Variants in ZNF532 observed in about 807,000 individuals in gnomAD.
ZNF532 encodes zinc finger protein 532.
ZNF532 carries 22 observed loss-of-function variants against 89.3 expected under a neutral mutation model. The observed-to-expected ratio is 0.25, with a 90% confidence interval of 0.18 to 0.35. The LOEUF (loss-of-function observed/expected upper bound fraction) is 0.35. Ranked by LOEUF, ZNF532 falls within the 10% of genes least tolerant of loss-of-function variation. The pLI is 1.00. For missense variants in ZNF532, 1,132 were observed against 1,643.4 expected (o/e 0.69, Z 5.38); for synonymous variants, 606 against 649.6 (o/e 0.93, Z 1.02).
chr18:58,955,441 G>C (rs958844263), intron 7 of ZNF532, among the ~76,000 whole-genome samples: 3 of 152,160 alleles, frequency 2.0e-5, no homozygotes, highest in South Asian at 2.1e-4. Flanking sequence ...TAAGCCAATA[G>C]AACAAAATAG....
At chr18:58,888,774 T>TA (rs2058565981) in intron 2 of ZNF532, among the ~76,000 whole-genome samples, 4 of 57,180 alleles carry the variant, frequency 7.0e-5, no homozygotes, top group Non-Finnish European at 2.6e-5. Flanking sequence ...ATATATAATT[T>TA]ATATATATAT....
At chr18:58,932,310 C>A (rs2062029569) in intron 3 of ZNF532, 1 of 152,120 alleles carries the variant, frequency 6.6e-6, no homozygotes, top group Non-Finnish European at 1.5e-5. Context: ...TTAAGTAATT[C>A]CTTGTGCATC....
intron 2 of ZNF532, among the ~76,000 whole-genome samples, chr18:58,867,619 G>GGAGCCCA (rs1247322251): frequency 6.6e-6 from 1 of 152,196 alleles, no homozygotes; most frequent in Non-Finnish European, 1.5e-5. Context: ...CTGTCACCGT[G>GGAGCCCA]GAGCCCAGAG....
intron 2 of ZNF532, among the ~76,000 whole-genome samples, chr18:58,875,256 C>T (rs2057336547): frequency 6.6e-6 from 1 of 151,798 alleles, no homozygotes; most frequent in Non-Finnish European, 1.5e-5. Flanking sequence ...AGTGATCTTT[C>T]CCACTCAGGC....
intron 5 of ZNF532, among the ~76,000 whole-genome samples, chr18:58,943,351 G>A (rs1242983239): frequency 1.3e-5 from 2 of 151,626 alleles, no homozygotes; most frequent in Non-Finnish European, 2.9e-5. Context: ...TAGTAGAGCC[G>A]GGGTTTCACC....
chr18:58,882,511 C>T (rs989892393), intron 2 of ZNF532, among the ~76,000 whole-genome samples: 5 of 152,140 alleles, frequency 3.3e-5, no homozygotes, highest in African/African-American at 4.8e-5. Flanking sequence ...ATCTGATCTC[C>T]GCTCATGGCA....
At chr18:58,931,266 T>C (rs1049517386) in intron 3 of ZNF532, among the ~76,000 whole-genome samples, 1 of 152,098 alleles carries the variant, frequency 6.6e-6, no homozygotes, top group African/African-American at 2.4e-5. Context: ...TCAGCTTGTG[T>C]AGTAGAGTGT....
chr18:58,966,085 A>G (rs9946876), intron 7 of ZNF532, among the ~76,000 whole-genome samples: 4,635 of 152,090 alleles, frequency 0.03, 248 homozygotes, highest in African/African-American at 0.11. Flanking sequence ...TCTCTAGATA[A>G]TTGTGTTACC....
At position 58,981,547 on chromosome 18, in the gene ZNF532, A is replaced by G. The variant is rs774312791; in HGVS notation, c.3341A>G (p.Lys1114Arg). The G allele has an allele frequency of 1.2e-6, 2 of 1,614,214 alleles. No individual in the cohort carries two copies. Among genetic ancestry groups the G allele is most frequent in the Non-Finnish European group, 1.7e-6 (2 of 1,180,022 alleles). The change falls in exon 9 of 10, where the codon AAG (lysine) becomes AGG (arginine). Residue 1114 changes from lysine to arginine, a missense_variant. Physicochemically the swap from Lys to Arg is conservative, Grantham distance 26. This residue lies in a region of ZNF532 where 415 missense variants were observed against 604.8 expected (regional missense o/e 0.69). Coordinates refer to ENST00000591808, the MANE Select transcript of ZNF532 (RefSeq NM_001375912.1). ...EKHVQLMHGI[K>R]DPDLKEMTDA... ...CACGTCCAGCTGATGCATGGCATCA[A>G]GGACCCTGACCTGAAAGAAATGACA... is the stretch of plus-strand genomic sequence containing the variant.
At chr18:58,888,877 T>TTTATATATATAATATATATATA (rs2058660567) in intron 2 of ZNF532, among the ~76,000 whole-genome samples, 2 of 36,096 alleles carry the variant, frequency 5.5e-5, no homozygotes, top group Non-Finnish European at 9.2e-5. Flanking sequence ...TAATATATAT[T>TTTATATATATAATATATATATA]ATATATATAT....
chr18:58,902,064 T>G (rs1045315996), intron 2 of ZNF532, among the ~76,000 whole-genome samples: 2 of 152,146 alleles, frequency 1.3e-5, no homozygotes, highest in African/African-American at 4.8e-5. Flanking sequence ...AGTGTTTGTT[T>G]CGGGGCATGG....
At chr18:58,965,980 A>G (rs576983013) in intron 7 of ZNF532, among the ~76,000 whole-genome samples, 17 of 152,328 alleles carry the variant, frequency 1.1e-4, no homozygotes, top group African/African-American at 3.8e-4. Flanking sequence ...CAGAGAGCAC[A>G]GTTAGAATCA....
intron 3 of ZNF532, among the ~76,000 whole-genome samples, chr18:58,925,950 G>C (rs1315840381): frequency 6.6e-6 from 1 of 152,192 alleles, no homozygotes. Context: ...TGATCTGTGT[G>C]TCTGTCCCTC....
chr18:58,866,155 T>C (rs2056438710), intron 2 of ZNF532, among the ~76,000 whole-genome samples: 2 of 152,200 alleles, frequency 1.3e-5, no homozygotes, highest in Non-Finnish European at 2.9e-5. Context: ...ATATGTTTAA[T>C]GTGGAATACT....
intron 2 of ZNF532, among the ~76,000 whole-genome samples, chr18:58,884,738 T>G (rs1008300060): frequency 1.3e-5 from 2 of 152,212 alleles, no homozygotes; most frequent in African/African-American, 4.8e-5. Context: ...TTCTTAGTTT[T>G]GAAATATTAA....
intron 7 of ZNF532, among the ~76,000 whole-genome samples, chr18:58,974,359 G>A (rs1208717288): frequency 6.6e-6 from 1 of 151,986 alleles, no homozygotes; most frequent in Non-Finnish European, 1.5e-5. Flanking sequence ...GGTTCTTTTC[G>A]TATCAGTGCA....
chr18:58,966,064 A>G (rs973636183), intron 7 of ZNF532, among the ~76,000 whole-genome samples: 2 of 152,116 alleles, frequency 1.3e-5, no homozygotes, highest in African/African-American at 2.4e-5. Flanking sequence ...AGTGAAGTCT[A>G]TTTTTAAATT....
intron 3 of ZNF532, among the ~76,000 whole-genome samples, chr18:58,933,192 T>A (rs530059078): frequency 2.4e-4 from 37 of 152,300 alleles, no homozygotes; most frequent in African/African-American, 8.7e-4. Flanking sequence ...GCTATTTTTT[T>A]AATGATGCTA....
At chr18:58,879,311 A>T (rs2057695349) in intron 2 of ZNF532, among the ~76,000 whole-genome samples, 2 of 152,220 alleles carry the variant, frequency 1.3e-5, no homozygotes, top group African/African-American at 4.8e-5. Flanking sequence ...AATTAATTAA[A>T]TGAGTAGAGT....
Sources: gnomAD v4.1 joint callset for allele counts (sites outside exome capture counted in the v4.1 genomes callset) on GRCh38, gnomAD v4.1.1 for gene constraint, gnomAD v4.1.1 regional missense constraint, MANE v1.5 for transcripts, NCBI Gene and HGNC (gene_info 2026-07-23, HGNC 2026-07-21) for gene names.